Variants in PCNX3 observed in about 807,000 individuals in gnomAD.
PCNX3 encodes pecanex 3, also known as pecanex-like protein 3.
A neutral mutation model predicts 207.2 loss-of-function variants in PCNX3; 58 were observed. The observed-to-expected ratio is 0.28, with a 90% confidence interval of 0.23 to 0.35. PCNX3 has a LOEUF of 0.35. PCNX3 is among the 10% of genes least tolerant of loss of function. The pLI is 1.00. For synonymous variants in PCNX3, 1,337 were observed against 1,183.5 expected (o/e 1.13, Z -2.66); for missense variants, 2,410 against 2,774.4 (o/e 0.87, Z 2.95).
At chr11:65,629,983 A>G (rs1855555429) in intron 26 of PCNX3, among the ~76,000 whole-genome samples, 1 of 152,170 alleles carries the variant, frequency 6.6e-6, no homozygotes, top group Non-Finnish European at 1.5e-5. Flanking sequence ...CACTGCAGTG[A>G]GGGCCTGGGC....
At chr11:65,623,434 C>G in intron 11 of PCNX3, 57 bp from the exon 12 acceptor site, 1 of 1,518,868 alleles carries the variant, frequency 6.6e-7, no homozygotes, top group Non-Finnish European at 8.8e-7. Flanking sequence ...ATCTTCCCCA[C>G]TGCCCCACTG....
chr11:65,629,142 G>T (rs1226852241), intron 24 of PCNX3, among the ~76,000 whole-genome samples, 194 bp downstream of exon 24: 1 of 152,188 alleles, frequency 6.6e-6, no homozygotes, highest in Admixed American at 6.5e-5. Context: ...ACAGCTTGGG[G>T]ATAGTGGGGT....
At chr11:65,623,464 C>T (rs1855216933) in intron 11 of PCNX3, 27 bp from the exon 12 acceptor site, 2 of 1,567,982 alleles carry the variant, frequency 1.3e-6, no homozygotes, top group Non-Finnish European at 1.7e-6. Flanking sequence ...GCAAGACGGG[C>T]ACGCCCTGAC....
At position 65,626,893 on chromosome 11, in the gene PCNX3, T is replaced by A; in HGVS notation, c.3380-11T>A. On this transcript the variant is annotated splice_polypyrimidine_tract_variant and intron_variant, in intron 20 of 34. Coordinates refer to ENST00000355703, the MANE Select transcript of PCNX3 (RefSeq NM_032223.4). ...GGAAGCCAGGTGCAGAGTCCTGGCC[T>A]CTCCACACAGGTGCCGCCCAGGTGA... The A allele has an allele frequency of 6.3e-7, 1 of 1,580,366 alleles. No individual in the cohort carries two copies. The highest frequency in any genetic ancestry group is 8.6e-7 in the Non-Finnish European group (1 of 1,163,384).
chr11:65,622,187 G>A lies in PCNX3; in HGVS notation c.2236-58G>A, dbSNP rs1308374671. On this transcript the variant is annotated intron_variant, in intron 10 of 34. Transcript: ENST00000355703. ...GTGGGGGGTGGCGGGGCTGACGGCC[G>A]CGGCTGTGGGGACTGCAGTTTGACC... 6.5e-6 allele frequency: 10 copies of A among 1,549,872 alleles called. No individual in the cohort carries two copies. In the East Asian group the frequency reaches 1.4e-4, roughly 22 times the overall value.
chr11:65,635,467 G>T lies in PCNX3; in HGVS notation c.5184+19G>T. 6.2e-7 allele frequency: 1 copy of T among 1,607,244 alleles called. No individual in the cohort carries two copies. On this transcript the variant is annotated intron_variant, in intron 31 of 34. Coordinates refer to ENST00000355703, the MANE Select transcript of PCNX3 (RefSeq NM_032223.4). The surrounding 1 kb of genome is among the most constrained non-coding windows in gnomAD (Gnocchi z 9.9). The stretch of plus-strand genomic sequence containing the variant: ...CATCAAGGTTGGGCCGGCCCCACCT[G>T]CCCTAAGCCCTGCCCCAAACCCCCT...
intron 21 of PCNX3, 44 bp downstream of exon 21, chr11:65,627,092 CT>C: frequency 6.9e-7 from 1 of 1,459,608 alleles, no homozygotes; most frequent in Non-Finnish European, 9.1e-7. Context: ...TCCGCTTTCC[CT>C]TTTGATCCGT....
chr11:65,625,786 CG>C lies in PCNX3; in HGVS notation c.3228+45del. 1.9e-6 allele frequency: 3 copies of C among 1,597,396 alleles called. No individual in the cohort carries two copies. Among genetic ancestry groups the C allele is most frequent in the Non-Finnish European group, 2.6e-6 (3 of 1,173,534 alleles). On this transcript the variant is annotated intron_variant, in intron 19 of 34. Transcript: ENST00000355703. This position sits in a 1 kb window ranked among gnomAD's most constrained non-coding sequence, Gnocchi z 5.6. ...CCGCTGCTGCCTCTCGCTGTCTTGG[CG>C]GGAGCCTGCTCAATCTGAGTGCCGT... is the stretch of plus-strand genomic sequence containing the variant.
chr11:65,618,641 G>A lies in PCNX3; in HGVS notation c.1279G>A (p.Gly427Ser), dbSNP rs1854890074. ...CTTTGAGGATGAAGACACTAGTGAG[G>A]GCAGTGAACTGAGCCCGGCCTCCAG... Reference protein sequence around the residue: ...GFFEDEDTSEGSELSPASSLR... With the variant: ...GFFEDEDTSESSELSPASSLR... Residue 427 changes from glycine (G) to serine (S), a missense_variant, in exon 6 of 35, where the codon GGC becomes AGC. Physicochemically the swap from Gly to Ser is moderately conservative, Grantham distance 56. Transcript: ENST00000355703. 6.2e-7 allele frequency: 1 copy of A among 1,613,082 alleles called. No homozygotes were observed. Among genetic ancestry groups the A allele is most frequent in the Non-Finnish European group, 8.5e-7 (1 of 1,179,846 alleles).
intron 27 of PCNX3, 95 bp from the exon 28 acceptor site, chr11:65,634,031 G>C (rs1405072325): frequency 1.1e-5 from 13 of 1,173,734 alleles, no homozygotes; most frequent in African/African-American, 1.5e-5. Flanking sequence ...GCGGACTTCA[G>C]CTCAGTCTTG....
chr11:65,620,979 C>G lies in PCNX3; in HGVS notation c.2235+13C>G, dbSNP rs371864346. 6.6e-7 allele frequency: 1 copy of G among 1,525,098 alleles called. No individual in the cohort carries two copies. The highest frequency in any genetic ancestry group is 8.8e-7 in the Non-Finnish European group (1 of 1,133,990). The allele number at this position is 1,525,098 out of a possible 1,614,324, so 94.5% of individuals were successfully genotyped here. On this transcript the variant is annotated intron_variant, in intron 10 of 34. Coordinates refer to ENST00000355703, the MANE Select transcript of PCNX3 (RefSeq NM_032223.4). Reference sequence around the variant, plus strand: ...GGAGATCCCGGAGGTGAGGAGCAGCCGGGGAAGGGCCGTGCCAGTGGGGCG... The same window carrying G: ...GGAGATCCCGGAGGTGAGGAGCAGCGGGGGAAGGGCCGTGCCAGTGGGGCG...
intron 1 of PCNX3, 27 bp downstream of exon 1, chr11:65,616,491 C>T (rs1221421779): frequency 2.5e-6 from 4 of 1,587,614 alleles, no homozygotes; most frequent in Non-Finnish European, 3.4e-6. Context: ...ACCTGTAACT[C>T]CAGCCGGGAG....
chr11:65,637,347 G>A lies in PCNX3; in HGVS notation c.*369G>A, dbSNP rs1252941956. 1.2e-5 allele frequency: 3 copies of A among 255,502 alleles called. No individual in the cohort carries two copies. The Admixed American group carries it at 1.6e-4, about 13-fold the overall frequency. 15.8% of individuals were successfully genotyped at this position (255,502 alleles called of 1,614,324 possible). On this transcript the variant is annotated 3_prime_UTR_variant, in exon 35 of 35. Transcript: ENST00000355703. Reference sequence around the variant, plus strand: ...ACCTGGGGCCTGAATTGTGGGAAGGGTGGTTTCTTTCTTTCCTTTTTTTTC... The same window carrying A: ...ACCTGGGGCCTGAATTGTGGGAAGGATGGTTTCTTTCTTTCCTTTTTTTTC...
chr11:65,623,834 C>A (rs1855237297), intron 12 of PCNX3, 95 bp from the exon 13 acceptor site: 1 of 1,581,470 alleles, frequency 6.3e-7, no homozygotes, highest in Non-Finnish European at 8.7e-7. Context: ...CCTGGTCACT[C>A]ATAACTGCCT....
At chr11:65,621,975 C>T (rs533358782) in intron 10 of PCNX3, among the ~76,000 whole-genome samples, 9 of 152,256 alleles carry the variant, frequency 5.9e-5, no homozygotes, top group Admixed American at 5.2e-4. Context: ...GGAAGACAGG[C>T]GTGGGAGCGG....
At chr11:65,628,547 A>G in intron 22 of PCNX3, 48 bp from the exon 23 acceptor site, 2 of 1,576,996 alleles carry the variant, frequency 1.3e-6, no homozygotes, top group Non-Finnish European at 1.7e-6. Context: ...GGGGGCTTCC[A>G]TGAGTGACCC....
rs373770798 is a variant in PCNX3 at position 65,618,780 on chromosome 11, G to T, written c.1418G>T (p.Gly473Val). 3.2e-5 allele frequency: 51 copies of T among 1,611,238 alleles called. No homozygotes were observed. The highest frequency in any genetic ancestry group is 4.2e-5 in the Non-Finnish European group (50 of 1,179,306). ...CCCCGGAAGCGGAGGGCCCCCCATG[G>T]GGCTGAGGAGGGAACTGCTGTGCCC... ...GGPRKRRAPH[G>V]AEEGTAVPPK... The change falls in exon 6 of 35, where the codon GGG becomes GTG. Residue 473 changes from glycine (G) to valine (V), a missense_variant. Coordinates refer to ENST00000355703, the MANE Select transcript of PCNX3 (RefSeq NM_032223.4).
chr11:65,633,451 T>G (rs1243105086), intron 27 of PCNX3, among the ~76,000 whole-genome samples: 1 of 152,206 alleles, frequency 6.6e-6, no homozygotes, highest in African/African-American at 2.4e-5. Flanking sequence ...AGCCTGCCCT[T>G]CCGGCCCCGA....
In PCNX3 at chr11:65,616,839, T is replaced by C. The variant is rs772002880; in HGVS notation, c.169T>C (p.Leu57=). Residue 57 remains leucine (L), a synonymous_variant, in exon 2 of 35, where the codon TTG becomes CTG. Transcript: ENST00000355703. ...FLLYMVLPPS[L]MVAGVYCLVV... ...TCATCTTCAGGTCCTGCCTCCCAGC[T>C]TGATGGTGGCCGGCGTGTACTGCCT... 9.3e-6 allele frequency: 15 copies of C among 1,612,778 alleles called. No homozygotes were observed. The highest frequency in any genetic ancestry group is 5.3e-5 in the African/African-American group (4 of 74,936).
Sources: allele counts gnomAD v4.1 joint callset (sites outside exome capture counted in the v4.1 genomes callset), GRCh38; gene constraint gnomAD v4.1.1; non-coding constraint Gnocchi (gnomAD v3.1); transcripts MANE v1.5; gene names NCBI Gene and HGNC (gene_info 2026-07-23, HGNC 2026-07-21).